The following DAB1 variants were observed in gnomAD, a reference collection of about 807,000 sequenced individuals.
DAB1 encodes the protein DAB adaptor protein 1, also known as disabled homolog 1.
DAB1 carries 15 observed loss-of-function variants against 64.6 expected under a neutral mutation model. The observed-to-expected ratio is 0.23, with a 90% confidence interval of 0.16 to 0.36. DAB1 has a LOEUF of 0.36. Ranked by LOEUF, DAB1 falls within the 10% of genes least tolerant of loss-of-function variation. DAB1 has a pLI of 1.00. For missense variants in DAB1, 596 were observed against 706.7 expected, an observed-to-expected ratio of 0.84 and a Z score of 1.78; for synonymous variants, 235 against 251.9, an observed-to-expected ratio of 0.93 and a Z score of 0.64.
At chr1:58,046,165 T>A (rs758363896) in intron 5 of DAB1, among the ~76,000 whole-genome samples, 3 of 152,216 alleles carry the variant, frequency 2.0e-5, no homozygotes, top group Non-Finnish European at 4.4e-5. Context: ...AGAGACAGAA[T>A]AAGTTTTGGT....
intron 5 of DAB1, among the ~76,000 whole-genome samples, chr1:57,926,959 T>C (rs1644888566): frequency 6.6e-6 from 1 of 152,198 alleles, no homozygotes; most frequent in South Asian, 2.1e-4. Flanking sequence ...GACATCTCCC[T>C]TCCTAGCAGC....
intron 3 of DAB1, among the ~76,000 whole-genome samples, chr1:58,361,990 A>G (rs1170401551): frequency 6.8e-6 from 1 of 146,948 alleles, no homozygotes; most frequent in Non-Finnish European, 1.5e-5. Flanking sequence ...TCGGCCTCCC[A>G]AGTAGCTGGG....
At chr1:57,198,691 C>CACACA (rs1557920338) in intron 2 of DAB1, among the ~76,000 whole-genome samples, 15 of 109,734 alleles carry the variant, frequency 1.4e-4, no homozygotes, top group African/African-American at 4.4e-4. Flanking sequence ...ACACACACAC[C>CACACA]CATCAACTTT....
At chr1:58,424,877 CTGAAAGGA>C (rs1239549820) in intron 3 of DAB1, among the ~76,000 whole-genome samples, 1 of 151,840 alleles carries the variant, frequency 6.6e-6, no homozygotes, top group Non-Finnish European at 1.5e-5. Context: ...TTGAGGAGCA[CTGAAAGGA>C]TGATGTCATT....
chr1:57,166,666 A>T (rs2100906680), intron 2 of DAB1, among the ~76,000 whole-genome samples: 1 of 152,322 alleles, frequency 6.6e-6, no homozygotes, highest in African/African-American at 2.4e-5. Flanking sequence ...CGCACAATTT[A>T]TCTGAGTGTG....
At chr1:57,705,738 G>A (rs938133320) in intron 6 of DAB1, among the ~76,000 whole-genome samples, 31 of 151,894 alleles carry the variant, frequency 2.0e-4, no homozygotes, top group African/African-American at 7.0e-4. Flanking sequence ...TTTTTAAATC[G>A]ACAGAGTAGT....
chr1:57,534,386 A>C (rs544512404), intron 7 of DAB1, among the ~76,000 whole-genome samples: 1 of 152,184 alleles, frequency 6.6e-6, no homozygotes, highest in African/African-American at 2.4e-5. Flanking sequence ...GTCACTCTCA[A>C]GGTGGATTAA....
At chr1:57,977,620 T>C (rs1645952831) in intron 5 of DAB1, among the ~76,000 whole-genome samples, 1 of 152,228 alleles carries the variant, frequency 6.6e-6, no homozygotes, top group Non-Finnish European at 1.5e-5. Context: ...ATAAGTCTAA[T>C]ATATACACAT....
chr1:57,047,499 C>T (rs1648662289), intron 9 of DAB1, among the ~76,000 whole-genome samples: 1 of 151,364 alleles, frequency 6.6e-6, no homozygotes, highest in Non-Finnish European at 1.5e-5. Context: ...CTCTCTGTTC[C>T]CACCCCCTCA....
At chr1:57,463,846 T>A (rs919369125) in intron 7 of DAB1, among the ~76,000 whole-genome samples, 2 of 152,152 alleles carry the variant, frequency 1.3e-5, no homozygotes, top group African/African-American at 4.8e-5. Context: ...CACACAGACA[T>A]AAATAAGACA....
intron 5 of DAB1, among the ~76,000 whole-genome samples, chr1:58,114,064 G>C (rs2245920): frequency 2.7e-5 from 4 of 148,756 alleles, no homozygotes; most frequent in South Asian, 2.2e-4. Context: ...CTGGCCAACA[G>C]AGTGAAACCC....
At chr1:57,243,779 C>T (rs945773332) in intron 2 of DAB1, among the ~76,000 whole-genome samples, 6 of 152,142 alleles carry the variant, frequency 3.9e-5, no homozygotes, top group Non-Finnish European at 7.3e-5. Flanking sequence ...CGCTGGTGGT[C>T]GCTTCCCCTG....
At chr1:58,415,384 C>A in intron 3 of DAB1, 2 of 242,646 alleles carry the variant, frequency 8.2e-6, no homozygotes, top group Non-Finnish European at 1.3e-5. Flanking sequence ...TTACGATTTA[C>A]TGAAGGTTTT....
At chr1:58,379,752 G>C (rs1644370700) in intron 3 of DAB1, among the ~76,000 whole-genome samples, 1 of 152,160 alleles carries the variant, frequency 6.6e-6, no homozygotes, top group Non-Finnish European at 1.5e-5. Context: ...CATATATAAA[G>C]TCAAGCTGGG....
At chr1:57,233,251 G>GT (rs1667823491) in intron 2 of DAB1, among the ~76,000 whole-genome samples, 1 of 85,506 alleles carries the variant, frequency 1.2e-5, no homozygotes, top group African/African-American at 4.0e-5. Flanking sequence ...GCTTTGCTCC[G>GT]ATTCTTTTTT....
chr1:57,430,281 T>C (rs1398963130), intron 7 of DAB1, among the ~76,000 whole-genome samples: 1 of 152,202 alleles, frequency 6.6e-6, no homozygotes, highest in Non-Finnish European at 1.5e-5. Flanking sequence ...ACACAAATTA[T>C]TACACAGCCC....
chr1:57,123,368 C>T (rs1354581293), intron 4 of DAB1, among the ~76,000 whole-genome samples: 1 of 152,112 alleles, frequency 6.6e-6, no homozygotes, highest in Non-Finnish European at 1.5e-5. Context: ...AATTATATTG[C>T]TGCCCTATAG....
At chr1:58,040,276 A>T (rs1647114943) in intron 5 of DAB1, among the ~76,000 whole-genome samples, 2 of 152,218 alleles carry the variant, frequency 1.3e-5, no homozygotes, top group African/African-American at 4.8e-5. Flanking sequence ...ATTTAATAAC[A>T]TTGCAATCCT....
At chr1:58,463,092 T>TA (rs1272314375) in intron 3 of DAB1, among the ~76,000 whole-genome samples, 1 of 152,226 alleles carries the variant, frequency 6.6e-6, no homozygotes, top group Non-Finnish European at 1.5e-5. Flanking sequence ...ATGTCTCACA[T>TA]ACGAAACAAG....
Sources: gnomAD v4.1 joint callset for allele counts (sites outside exome capture counted in the v4.1 genomes callset) on GRCh38, gnomAD v4.1.1 for gene constraint, MANE v1.5 for transcripts, NCBI Gene and HGNC (gene_info 2026-07-23, HGNC 2026-07-21) for gene names.